Variants in YJU2 observed in about 807,000 individuals in gnomAD.
The protein encoded by YJU2 is splicing factor YJU2.
In YJU2, 28 loss-of-function variants were observed where a neutral mutation model predicts 39.6. The observed-to-expected ratio is 0.71, with a 90% CI of 0.52 to 0.97. The LOEUF (loss-of-function observed/expected upper bound fraction) is 0.97, where lower values mean the gene tolerates loss of function less well. YJU2 is among the 50% of genes least tolerant of loss of function. YJU2 has a pLI of 0.00. For synonymous variants in YJU2, 184 were observed against 182.4 expected (o/e 1.01, Z -0.07); for missense variants, 328 against 430.4 (o/e 0.76, Z 2.11).
chr19:4,251,238 G>T, intron 3 of YJU2, 67 bp downstream of exon 3: 1 of 1,503,662 alleles, frequency 6.7e-7, no homozygotes. Context: ...GCGGGCCCTG[G>T]GGTTCCTTAA....
At chr19:4,266,264 T>C (rs1971114808) in intron 6 of YJU2, among the ~76,000 whole-genome samples, 1 of 152,106 alleles carries the variant, frequency 6.6e-6, no homozygotes, top group Admixed American at 6.6e-5. Context: ...GCCACAACTT[T>C]AAGGAGGCCT....
chr19:4,259,326 G>T (rs575593453), intron 5 of YJU2, among the ~76,000 whole-genome samples: 1 of 151,812 alleles, frequency 6.6e-6, no homozygotes, highest in South Asian at 2.1e-4. Flanking sequence ...TGATCCGCCC[G>T]CCTCGGCCTC....
intron 6 of YJU2, among the ~76,000 whole-genome samples, chr19:4,262,532 C>T (rs1026271199): frequency 6.6e-6 from 1 of 152,072 alleles, no homozygotes; most frequent in Admixed American, 6.6e-5. Flanking sequence ...CCAGTCTGCA[C>T]CCTAACTCCT....
intron 1 of YJU2, among the ~76,000 whole-genome samples, 174 bp from the exon 2 acceptor site, chr19:4,249,054 T>C (rs1970954100): frequency 6.6e-6 from 1 of 152,294 alleles, no homozygotes; most frequent in East Asian, 1.9e-4. Context: ...GTCAGGAAGC[T>C]TGTGCCTGGC....
chr19:4,264,122 C>T (rs964414310), intron 6 of YJU2, among the ~76,000 whole-genome samples: 3 of 151,284 alleles, frequency 2.0e-5, no homozygotes, highest in East Asian at 4.0e-4. Flanking sequence ...ATTAGCCGGG[C>T]GTGGTGGCGG....
chr19:4,250,000 C>T (rs1183537499), intron 2 of YJU2, among the ~76,000 whole-genome samples: 1 of 152,080 alleles, frequency 6.6e-6, no homozygotes, highest in African/African-American at 2.4e-5. Context: ...AGCTGCCGCA[C>T]CTGGCCTTCT....
intron 6 of YJU2, among the ~76,000 whole-genome samples, chr19:4,263,789 AAC>A (rs1394848293): frequency 7.0e-6 from 1 of 143,082 alleles, no homozygotes; most frequent in African/African-American, 2.6e-5. Context: ...CAGCCTGGGC[AAC>A]AGAGTGAGAC....
At chr19:4,249,797 C>T (rs1970961145) in intron 2 of YJU2, among the ~76,000 whole-genome samples, 1 of 152,024 alleles carries the variant, frequency 6.6e-6, no homozygotes, top group African/African-American at 2.4e-5. Context: ...ACCTCCACCT[C>T]CTGGCTTCAA....
chr19:4,258,422 G>A lies in YJU2; in HGVS notation c.586G>A (p.Ala196Thr), dbSNP rs762196273. The part of the protein sequence containing the change: ...QQQEEDEQET[A>T]ALLEEARKRR... ...GCAGGAGGAGGACGAGCAGGAGACCGCGTGAGTCAGGGCCGGCCCAACCCA... is the reference window on the plus strand; with the variant it reads ...GCAGGAGGAGGACGAGCAGGAGACCACGTGAGTCAGGGCCGGCCCAACCCA... The change falls in exon 5 of 8, where the codon GCG becomes ACG. Residue 196 changes from alanine (A) to threonine (T), a missense_variant and splice_region_variant. Ala to Thr is a moderately conservative substitution (Grantham distance 58). Transcript: ENST00000262962. The A allele has an allele frequency of 1.3e-5, 21 of 1,581,662 alleles. No individual in the cohort carries two copies. Among genetic ancestry groups the A allele is most frequent in the Admixed American group, 1.8e-5 (1 of 54,196 alleles).
intron 6 of YJU2, among the ~76,000 whole-genome samples, chr19:4,263,763 T>C (rs1275281641): frequency 1.3e-5 from 2 of 148,380 alleles, no homozygotes; most frequent in Non-Finnish European, 3.0e-5. Flanking sequence ...TGAGCTGAGA[T>C]TGTGCCATTG....
chr19:4,261,407 C>G (rs1010904525), intron 5 of YJU2, among the ~76,000 whole-genome samples: 3 of 152,102 alleles, frequency 2.0e-5, no homozygotes, highest in Non-Finnish European at 4.4e-5. Flanking sequence ...TGGAGAATCG[C>G]TTGAACCCAG....
intron 3 of YJU2, among the ~76,000 whole-genome samples, chr19:4,253,209 A>G (rs1358796480): frequency 6.7e-6 from 1 of 149,586 alleles, no homozygotes; most frequent in African/African-American, 2.5e-5. Flanking sequence ...ACACACACAC[A>G]CACACACACA....
Position 4,250,983 on chromosome 19 carries a change from CCAGCGTCCCAAGA to C in YJU2, c.126-39_126-27del, listed in dbSNP as rs749238977. On this transcript the variant is annotated intron_variant, in intron 2 of 7. Transcript: ENST00000262962. ...CGCAGGGACAGCCTGCCAGTGGGAGCCAGCGTCCCAAGACAGCTCACATCCCTACATGCTGCCC... is the reference window on the plus strand; with the variant it reads ...CGCAGGGACAGCCTGCCAGTGGGAGCCAGCTCACATCCCTACATGCTGCCC... 2,536 of 1,590,614 alleles carry C rather than the reference CCAGCGTCCCAAGA, an allele frequency of 1.6e-3. 4 individuals are homozygous for C. The highest frequency in any genetic ancestry group is 2.1e-3 in the Non-Finnish European group (2,425 of 1,161,432).
At chr19:4,256,369 C>G (rs370948712) in intron 4 of YJU2, among the ~76,000 whole-genome samples, 24 of 151,802 alleles carry the variant, frequency 1.6e-4, no homozygotes, top group African/African-American at 5.8e-4. Context: ...TCTGAGCAAG[C>G]CACATCAGAC....
At chr19:4,252,054 T>C (rs1231587394) in intron 3 of YJU2, among the ~76,000 whole-genome samples, 1 of 152,186 alleles carries the variant, frequency 6.6e-6, no homozygotes, top group East Asian at 1.9e-4. Context: ...ATTTGACTTT[T>C]ATTTGTTACC....
chr19:4,262,224 A>T lies in YJU2; in HGVS notation c.708+110A>T. ...TTTTTGTTTTTGTTTTTTGAGACGGAGTCTCGCTCTGTCGCCTAGGCTGGA... is the reference window on the plus strand; with the variant it reads ...TTTTTGTTTTTGTTTTTTGAGACGGTGTCTCGCTCTGTCGCCTAGGCTGGA... On this transcript the variant is annotated intron_variant, in intron 6 of 7. Transcript: ENST00000262962. The T allele has an allele frequency of 5.9e-6, 7 of 1,191,172 alleles. No individual in the cohort carries two copies. The South Asian group carries it at 1.1e-4, about 18-fold the overall frequency. 73.8% of individuals were successfully genotyped at this position (1,191,172 alleles called of 1,614,324 possible).
At chr19:4,259,375 G>A (rs564188545) in intron 5 of YJU2, among the ~76,000 whole-genome samples, 16 of 151,256 alleles carry the variant, frequency 1.1e-4, no homozygotes, top group Admixed American at 5.3e-4. Context: ...CACCGCGCCC[G>A]GACGACGCTT....
chr19:4,251,633 G>T (rs964026359), intron 3 of YJU2, among the ~76,000 whole-genome samples: 30 of 148,504 alleles, frequency 2.0e-4, no homozygotes, highest in Admixed American at 1.6e-3. Flanking sequence ...TGCAGTGAGC[G>T]AAGATTGCAC....
At position 4,247,657 on chromosome 19, in the gene YJU2, GTGTGTGTGTGT is replaced by G. The variant is rs1970940727; in HGVS notation, c.24+488_24+498del. On this transcript the variant is annotated intron_variant, in intron 1 of 7. Transcript: ENST00000262962. The stretch of plus-strand genomic sequence containing the variant: ...TGTGTGTGTGTGTGTGTGTGTGTGT[GTGTGTGTGTGT>G]GTGTGTGTGTGTGTGTGTGTGTGTG... Among the ~76,000 whole-genome samples the G allele has an allele frequency of 2.7e-4, 19 of 71,304 alleles. 2 individuals carry two copies. The highest frequency in any genetic ancestry group is 7.2e-4 in the African/African-American group (10 of 13,954). 46.8% of individuals were successfully genotyped at this position (71,304 alleles called of 152,430 possible).
Sources: gnomAD v4.1 joint callset for allele counts (sites outside exome capture counted in the v4.1 genomes callset) on GRCh38, gnomAD v4.1.1 for gene constraint, MANE v1.5 for transcripts, NCBI Gene and HGNC (gene_info 2026-07-23, HGNC 2026-07-21) for gene names.